Variants in IGSF11 observed in about 807,000 individuals in gnomAD.
IGSF11 encodes CXADR like 1.
Under a neutral mutation model 41.0 loss-of-function variants are expected in IGSF11, and 22 were observed. The observed-to-expected ratio is 0.54, with a 90% CI of 0.38 to 0.77. The LOEUF is 0.77. Ranked by LOEUF, IGSF11 falls within the 30% of genes least tolerant of loss-of-function variation. The pLI is 0.00. For missense variants in IGSF11, 444 were observed against 530.8 expected, an observed-to-expected ratio of 0.84 and a Z score of 1.61; for synonymous variants, 219 against 201.3, an observed-to-expected ratio of 1.09 and a Z score of -0.74.
At chr3:118,961,146 T>A (rs1945307631) in intron 1 of IGSF11, among the ~76,000 whole-genome samples, 1 of 152,236 alleles carries the variant, frequency 6.6e-6, no homozygotes, top group Non-Finnish European at 1.5e-5. Flanking sequence ...TTGGTCCAGC[T>A]GATGTCCCTA....
chr3:119,005,374 G>T (rs965520696), intron 1 of IGSF11, among the ~76,000 whole-genome samples: 1 of 150,434 alleles, frequency 6.6e-6, no homozygotes, highest in Non-Finnish European at 1.5e-5. Context: ...CGTGAGATGG[G>T]TTTCCTGAAT....
intron 1 of IGSF11, among the ~76,000 whole-genome samples, chr3:118,977,430 T>C (rs1297282443): frequency 6.6e-6 from 1 of 152,112 alleles, no homozygotes; most frequent in Non-Finnish European, 1.5e-5. Flanking sequence ...AAAGACAATG[T>C]CCCAGCTTCA....
At chr3:118,929,928 A>G (rs1462628191) in intron 2 of IGSF11, among the ~76,000 whole-genome samples, 184 bp downstream of exon 2, 2 of 152,174 alleles carry the variant, frequency 1.3e-5, no homozygotes, top group Non-Finnish European at 2.9e-5. Context: ...TTACCTTTTT[A>G]AAAAGAGGAT....
intron 1 of IGSF11, among the ~76,000 whole-genome samples, chr3:119,056,971 C>T (rs1213733871): frequency 6.6e-6 from 1 of 152,102 alleles, no homozygotes; most frequent in African/African-American, 2.4e-5. Context: ...TGGGATATAT[C>T]TCAAAATAAT....
intron 4 of IGSF11, among the ~76,000 whole-genome samples, chr3:118,914,040 T>C (rs1312492504): frequency 2.6e-5 from 4 of 152,110 alleles, no homozygotes; most frequent in Non-Finnish European, 4.4e-5. Context: ...GTCCTATTAT[T>C]TGGATAGAGA....
At chr3:119,067,110 T>TCCA (rs1942256587) in intron 1 of IGSF11, among the ~76,000 whole-genome samples, 1 of 152,220 alleles carries the variant, frequency 6.6e-6, no homozygotes, top group East Asian at 1.9e-4. Flanking sequence ...TAGCTTTTTA[T>TCCA]TGTATGCTAA....
intron 1 of IGSF11, among the ~76,000 whole-genome samples, chr3:118,986,673 C>T (rs1935286704): frequency 6.6e-6 from 1 of 152,104 alleles, no homozygotes; most frequent in Admixed American, 6.5e-5. Flanking sequence ...AAGGAAACTA[C>T]AGCTTAGAGG....
rs116385406 is a variant in IGSF11 at position 118,938,294 on chromosome 3, G to A, written c.53-8019C>T. On this transcript the variant is annotated intron_variant, in intron 1 of 6. Transcript: ENST00000393775. The stretch of plus-strand genomic sequence containing the variant: ...CCATTTAGGAATCCCCTTTTGGGGG[G>A]CATTTAGTAACACCAGGCCTGCATT... Among the ~76,000 whole-genome samples the A allele has an allele frequency of 2.1e-3, 313 of 152,248 alleles. 1 individual carries two copies. Among genetic ancestry groups the A allele is most frequent in the Admixed American group, 6.9e-3 (106 of 15,284 alleles).
intron 1 of IGSF11, among the ~76,000 whole-genome samples, chr3:119,064,511 CTTTTTTTTTTT>C (rs779910295): frequency 4.9e-5 from 5 of 101,398 alleles, no homozygotes; most frequent in African/African-American, 1.5e-4. Context: ...CTTGGCTGCT[CTTTTTTTTTTT>C]TTTTTTTTTT....
chr3:118,992,655 T>G (rs576938653), intron 1 of IGSF11, among the ~76,000 whole-genome samples: 2 of 152,294 alleles, frequency 1.3e-5, no homozygotes, highest in East Asian at 3.9e-4. Flanking sequence ...AGGCCCTTAA[T>G]TAAGTTACAA....
intron 1 of IGSF11, among the ~76,000 whole-genome samples, chr3:119,051,429 C>T (rs1941622900): frequency 6.6e-6 from 1 of 152,052 alleles, no homozygotes; most frequent in Non-Finnish European, 1.5e-5. Flanking sequence ...GAAAATATCA[C>T]AATTCTAAAT....
intron 1 of IGSF11, among the ~76,000 whole-genome samples, chr3:119,136,853 T>C (rs1201283286): frequency 6.6e-6 from 1 of 152,034 alleles, no homozygotes; most frequent in Non-Finnish European, 1.5e-5. Context: ...AAAAAAAAAC[T>C]ATTAGAACTG....
chr3:119,026,397 T>C (rs538091051), intron 1 of IGSF11, among the ~76,000 whole-genome samples: 9 of 152,188 alleles, frequency 5.9e-5, no homozygotes, highest in Non-Finnish European at 1.2e-4. Context: ...TGATGCAGAT[T>C]CCCAAGACCC....
Position 119,081,130 on chromosome 3 carries a change from T to C in IGSF11, c.49+24014A>G, listed in dbSNP as rs945803158. The stretch of plus-strand genomic sequence containing the variant: ...ATTGAGCATTTGACTGTCTAGTGAG[T>C]ATTTTTCATGTCTTTCATATTTTAT... On this transcript the variant is annotated intron_variant, in intron 1 of 6. Transcript: ENST00000354673. Among the ~76,000 whole-genome samples the C allele has an allele frequency of 1.4e-4, 21 of 152,140 alleles. 1 individual carries two copies. The highest frequency in any genetic ancestry group is 1.3e-3 in the Admixed American group (20 of 15,286).
chr3:118,975,363 T>TTTAAAAAAAAAA, intron 1 of IGSF11, among the ~76,000 whole-genome samples: 1 of 140,744 alleles, frequency 7.1e-6, no homozygotes, highest in African/African-American at 2.6e-5. Context: ...CTGCTGGATT[T>TTTAAAAAAAAAA]AAAAAAAAAA....
At chr3:119,080,784 A>G (rs1353286881) in intron 1 of IGSF11, among the ~76,000 whole-genome samples, 2 of 152,132 alleles carry the variant, frequency 1.3e-5, no homozygotes, top group Non-Finnish European at 2.9e-5. Flanking sequence ...TTCTTATCCT[A>G]AGTACTATTT....
At chr3:119,105,129 T>C (rs1249304341) in intron 1 of IGSF11, 1 of 1,573,654 alleles carries the variant, frequency 6.4e-7, no homozygotes, top group Admixed American at 1.7e-5. Flanking sequence ...ACTTTTCCAA[T>C]GTCAAGTCAC....
intron 5 of IGSF11, 22 bp from the exon 6 acceptor site, chr3:118,904,820 T>C: frequency 6.4e-7 from 1 of 1,569,432 alleles, no homozygotes; most frequent in Non-Finnish European, 8.6e-7. Flanking sequence ...ATTTAAGATA[T>C]ATTTAAAGAA....
chr3:119,010,786 C>A (rs1464843177), intron 1 of IGSF11, among the ~76,000 whole-genome samples: 1 of 152,148 alleles, frequency 6.6e-6, no homozygotes, highest in African/African-American at 2.4e-5. Flanking sequence ...TAATGGTTTC[C>A]TTTCTCTGGA....
Sources: gnomAD v4.1 joint callset for allele counts (sites outside exome capture counted in the v4.1 genomes callset) on GRCh38, gnomAD v4.1.1 for gene constraint, MANE v1.5 for transcripts, NCBI Gene and HGNC (gene_info 2026-07-23, HGNC 2026-07-21) for gene names.